CDCA7: variants seen among roughly 807,000 people sequenced by gnomAD.
The protein encoded by CDCA7 is cell division cycle-associated protein 7.
CDCA7 carries 28 observed loss-of-function variants against 54.0 expected under a neutral mutation model. The ratio of observed to expected loss-of-function variants is 0.52; its 90% CI spans 0.38 to 0.71. CDCA7 has a LOEUF of 0.71. Among genes scored for constraint, CDCA7 ranks in the 30% least tolerant of loss-of-function variants. CDCA7 has a pLI of 0.00. For missense variants in CDCA7, 484 were observed against 586.0 expected (o/e 0.83, Z 1.80); for synonymous variants, 180 against 208.2 (o/e 0.86, Z 1.16).
In CDCA7 at chr2:173,364,826, CG is replaced by C. The variant is rs2106391542; in HGVS notation, c.734del (p.Gly245ValfsTer43). The C allele has an allele frequency of 6.2e-7, 1 of 1,610,570 alleles. No homozygotes were observed. Among genetic ancestry groups the C allele is most frequent in the Non-Finnish European group, 8.5e-7 (1 of 1,178,784 alleles). On this transcript the variant is annotated frameshift_variant, in exon 6 of 10. Transcript: ENST00000306721. LOFTEE classifies it high-confidence loss of function. ...AGGAGACCGCGAAGGCGTACATTCC[CG>C]GGTGTTGCTTCCAGGAGAAACCCTG... ...QSRRPRRRTF[P>X]GVASRRNPER...
intron 5 of CDCA7, 146 bp downstream of exon 5, chr2:173,364,041 T>TG: frequency 3.0e-6 from 2 of 658,590 alleles, no homozygotes; most frequent in Non-Finnish European, 5.1e-6. Flanking sequence ...GACAGATCTC[T>TG]GGATGATCCT....
intron 3 of CDCA7, among the ~76,000 whole-genome samples, chr2:173,360,618 G>A (rs1235262289): frequency 6.6e-6 from 1 of 151,998 alleles, no homozygotes; most frequent in Non-Finnish European, 1.5e-5. Context: ...TGAGACTACA[G>A]GCGTGTACCA....
At position 173,363,212 on chromosome 2, in the gene CDCA7, A is replaced by G. The variant is rs199592429; in HGVS notation, c.385-14A>G. 4 of 1,613,340 alleles carry G rather than the reference A, an allele frequency of 2.5e-6. No individual in the cohort carries two copies. Among genetic ancestry groups the G allele is most frequent in the African/African-American group, 1.3e-5 (1 of 75,052 alleles). On this transcript the variant is annotated splice_polypyrimidine_tract_variant and intron_variant, in intron 3 of 9. Coordinates refer to ENST00000306721, the MANE Select transcript of CDCA7 (RefSeq NM_031942.5). ...CTGCTGATCAAGTCCTAATGACTCAATTGTTGTGATTAGAGGCTGCAGTCA... is the reference window on the plus strand; with the variant it reads ...CTGCTGATCAAGTCCTAATGACTCAGTTGTTGTGATTAGAGGCTGCAGTCA...
intron 1 of CDCA7, among the ~76,000 whole-genome samples, chr2:173,358,079 A>T (rs971007887): frequency 6.6e-6 from 1 of 152,080 alleles, no homozygotes; most frequent in African/African-American, 2.4e-5. Context: ...GGGCGCCTGT[A>T]ATCCCAGCTA....
At chr2:173,358,870 T>A (rs550475414) in intron 2 of CDCA7, 33 bp downstream of exon 2, 1 of 1,592,006 alleles carries the variant, frequency 6.3e-7, no homozygotes, top group Non-Finnish European at 8.6e-7. Context: ...CAGAATTGAG[T>A]CTGCAGTGCT....
intron 6 of CDCA7, 141 bp from the exon 7 acceptor site, chr2:173,365,311 A>C: frequency 2.0e-6 from 2 of 976,572 alleles, no homozygotes; most frequent in Non-Finnish European, 1.5e-6. Flanking sequence ...AAGAAATTAC[A>C]AGTCAAGTAT....
At chr2:173,364,179 CTT>C (rs1686674390) in intron 5 of CDCA7, 1 of 293,208 alleles carries the variant, frequency 3.4e-6, no homozygotes. Flanking sequence ...AGATTGAAAA[CTT>C]TTTTCTGTTC....
In CDCA7 at chr2:173,358,717, A is replaced by G. The variant is rs1371161448; in HGVS notation, c.27A>G (p.Lys9=). Residue 9 remains lysine, a synonymous_variant, in exon 2 of 10, where the codon AAA becomes AAG. Transcript: ENST00000306721. MDARRVPQ[K]DLRVKKNLKK... ...ATTGCTATTTCCATTTGCAGCAGAAAGATCTCAGAGTAAAGAAGAACTTAA... is the reference window on the plus strand; with the variant it reads ...ATTGCTATTTCCATTTGCAGCAGAAGGATCTCAGAGTAAAGAAGAACTTAA... The G allele has an allele frequency of 6.2e-7, 1 of 1,612,568 alleles. No homozygotes were observed. The highest frequency in any genetic ancestry group is 8.5e-7 in the Non-Finnish European group (1 of 1,179,352).
rs1172400900 is a variant in CDCA7, at chr2:173,367,617, C to G, written c.1323-17C>G. ...TTGAAAACTATGTCCTGACACATTT[C>G]CTTTTGTTTTTCACAGCCTGAAACA... is the stretch of plus-strand genomic sequence containing the variant. On this transcript the variant is annotated splice_polypyrimidine_tract_variant and intron_variant, in intron 9 of 9. Transcript: ENST00000306721. 6.2e-7 allele frequency: 1 copy of G among 1,613,830 alleles called. No individual in the cohort carries two copies. The highest frequency in any genetic ancestry group is 1.7e-5 in the Admixed American group (1 of 59,974).
At chr2:173,365,076 T>G (rs1006964770) in intron 6 of CDCA7, 87 bp downstream of exon 6, 34 of 1,444,634 alleles carry the variant, frequency 2.4e-5, no homozygotes, top group Non-Finnish European at 3.1e-5. Flanking sequence ...ACGCACATCC[T>G]TAACACCAGG....
intron 1 of CDCA7, among the ~76,000 whole-genome samples, chr2:173,357,996 T>C (rs542317883): frequency 2.0e-5 from 3 of 151,968 alleles, no homozygotes; most frequent in Admixed American, 1.3e-4. Context: ...GTCAGGAGAT[T>C]GAGACCATTC....
In CDCA7 at chr2:173,358,735, G is replaced by A. The variant is rs139753635; in HGVS notation, c.45G>A (p.Lys15=). ...AGCAGAAAGATCTCAGAGTAAAGAA[G>A]AACTTAAAGAAATTCAGATATGTGA... ...RVPQKDLRVK[K]NLKKFRYVKL... The change falls in exon 2 of 10, where the codon AAG becomes AAA. Residue 15 remains lysine, a synonymous_variant. Coordinates refer to ENST00000306721, the MANE Select transcript of CDCA7 (RefSeq NM_031942.5). 1.2e-3 allele frequency: 1,863 copies of A among 1,613,806 alleles called. 1 individual carries two copies. The highest frequency in any genetic ancestry group is 1.4e-3 in the Non-Finnish European group (1,700 of 1,179,846).
intron 1 of CDCA7, 87 bp downstream of exon 1, chr2:173,355,071 G>A (rs1294502413): frequency 8.9e-6 from 11 of 1,239,498 alleles, no homozygotes; most frequent in Non-Finnish European, 1.1e-5. Flanking sequence ...CAACTCCGCA[G>A]CCTAGCGCTG....
intron 1 of CDCA7, 127 bp from the exon 2 acceptor site, chr2:173,358,585 A>G (rs1686557679): frequency 3.9e-6 from 4 of 1,017,810 alleles, no homozygotes; most frequent in South Asian, 4.8e-5. Context: ...TTCCTTTTCT[A>G]TGTAGGGTAT....
intron 3 of CDCA7, among the ~76,000 whole-genome samples, chr2:173,361,509 T>C (rs1395252373): frequency 1.3e-5 from 2 of 149,764 alleles, no homozygotes; most frequent in Non-Finnish European, 3.0e-5. Flanking sequence ...TGGCGTACAG[T>C]GGCATAATTT....
chr2:173,355,906 G>A (rs907525216), intron 1 of CDCA7, among the ~76,000 whole-genome samples: 2 of 152,120 alleles, frequency 1.3e-5, no homozygotes, highest in Non-Finnish European at 2.9e-5. Context: ...TCGCCGCCCC[G>A]GTGGAGCTGG....
At chr2:173,355,322 GCAGA>G (rs1686475996) in intron 1 of CDCA7, among the ~76,000 whole-genome samples, 1 of 152,210 alleles carries the variant, frequency 6.6e-6, no homozygotes, top group Admixed American at 6.5e-5. Flanking sequence ...TGCCTGCCAG[GCAGA>G]GCCAGCCTGC....
chr2:173,355,016 G>C, intron 1 of CDCA7, 32 bp downstream of exon 1: 3 of 1,364,594 alleles, frequency 2.2e-6, no homozygotes, highest in Non-Finnish European at 2.8e-6. Context: ...CCGAGGGGCG[G>C]GCGCGGTGGG....
Position 173,365,609 on chromosome 2 carries a change from T to C in CDCA7, c.1035+17T>C, listed in dbSNP as rs375300149. The C allele has an allele frequency of 1.5e-5, 24 of 1,612,062 alleles. No homozygotes were observed. The African/African-American group carries it at 2.9e-4, about 20-fold the overall frequency. ...CGTTCACTGGTGAGAGCCTCTAAAT[T>C]ACACCTGAGAATGTAAACATCTGTG... On this transcript the variant is annotated intron_variant, in intron 7 of 9. Transcript: ENST00000306721.
Sources: allele counts gnomAD v4.1 joint callset (sites outside exome capture counted in the v4.1 genomes callset), GRCh38; gene constraint gnomAD v4.1.1; transcripts MANE v1.5; gene names NCBI Gene and HGNC (gene_info 2026-07-23, HGNC 2026-07-21).